CYP4F2: variants seen among roughly 807,000 people sequenced by gnomAD.
CYP4F2 encodes the protein cytochrome P450 4F2.
Under a neutral mutation model 58.9 loss-of-function variants are expected in CYP4F2, and 58 were observed. The ratio of observed to expected loss-of-function variants is 0.98; its 90% CI spans 0.80 to 1.23. CYP4F2 has a LOEUF of 1.23. Among genes scored for constraint, CYP4F2 ranks in the 50% most tolerant of loss-of-function variants. The pLI, the probability that CYP4F2 is intolerant of heterozygous loss-of-function variation, is 0.00. For synonymous variants in CYP4F2, 287 were observed against 261.1 expected (o/e 1.10, Z -0.95); for missense variants, 616 against 685.6 (o/e 0.90, Z 1.13).
intron 9 of CYP4F2, among the ~76,000 whole-genome samples, chr19:15,885,024 T>C (rs1477728520): frequency 6.6e-6 from 1 of 151,708 alleles, no homozygotes; most frequent in Non-Finnish European, 1.5e-5. Context: ...GGTTTTATCA[T>C]CTCATTACAA....
At chr19:15,896,238 C>CTATCTATT (rs1387523552) in intron 2 of CYP4F2, among the ~76,000 whole-genome samples, 10 of 85,864 alleles carry the variant, frequency 1.2e-4, no homozygotes, top group African/African-American at 4.5e-4. Context: ...TATTAGCTAT[C>CTATCTATT]TATCTATCTA....
chr19:15,898,010 A>C lies in CYP4F2; in HGVS notation c.-2+16T>G. 4.4e-6 allele frequency: 1 copy of C among 228,798 alleles called. No homozygotes were observed. Among genetic ancestry groups the C allele is most frequent in the Non-Finnish European group, 8.6e-6 (1 of 116,906 alleles). The allele number at this position is 228,798 out of a possible 1,614,324, so 14.2% of individuals were successfully genotyped here. A position where few individuals can be genotyped will look rare whatever the true frequency, so the allele number is the denominator to read the frequency against. Reference sequence around the variant, plus strand: ...GGCCAGGACCCCCCCCAGGCCTGCCACCCCCAGCCTGGCACCTTCTGTCAG... The same window carrying C: ...GGCCAGGACCCCCCCCAGGCCTGCCCCCCCCAGCCTGGCACCTTCTGTCAG... On this transcript the variant is annotated intron_variant, in intron 1 of 12. Coordinates refer to ENST00000221700, the MANE Select transcript of CYP4F2 (RefSeq NM_001082.5).
In CYP4F2 at chr19:15,897,404, C is replaced by T. The variant is rs767346295; in HGVS notation, c.198+10G>A. 6.2e-7 allele frequency: 1 copy of T among 1,611,700 alleles called. No individual in the cohort carries two copies. The highest frequency in any genetic ancestry group is 1.1e-5 in the South Asian group (1 of 91,014). On this transcript the variant is annotated intron_variant, in intron 2 of 12. Transcript: ENST00000221700. ...CCTGAGACCTAGACCCATCCTGCTG[C>T]CACACTCACCATGCCCTGGTGTCCC...
intron 2 of CYP4F2, among the ~76,000 whole-genome samples, chr19:15,896,970 G>C (rs2089451658): frequency 6.6e-6 from 1 of 152,218 alleles, no homozygotes; most frequent in Non-Finnish European, 1.5e-5. Flanking sequence ...GTGCCTTCGG[G>C]TGTAGTGGAA....
chr19:15,886,329 C>A (rs201042526), intron 7 of CYP4F2, 21 bp from the exon 8 acceptor site: 4 of 1,605,538 alleles, frequency 2.5e-6, no homozygotes, highest in African/African-American at 1.3e-5. Flanking sequence ...GGCAGTAACC[C>A]CCCCCAACCC....
chr19:15,896,267 T>TATCC (rs2089448039), intron 2 of CYP4F2, among the ~76,000 whole-genome samples: 1 of 152,016 alleles, frequency 6.6e-6, no homozygotes, highest in Non-Finnish European at 1.5e-5. Flanking sequence ...TCTATCTATC[T>TATCC]ATCTATCTAC....
intron 9 of CYP4F2, among the ~76,000 whole-genome samples, chr19:15,883,490 G>A (rs1190606775): frequency 1.3e-5 from 2 of 152,124 alleles, no homozygotes; most frequent in African/African-American, 4.8e-5. Flanking sequence ...ACACTGGTGA[G>A]GATATGGAGA....
chr19:15,886,643 A>C (rs1401022278), intron 7 of CYP4F2: 7 of 352,278 alleles, frequency 2.0e-5, no homozygotes, highest in Non-Finnish European at 3.6e-5. Context: ...ATTAGAGATT[A>C]AGTATTGCTT....
chr19:15,892,853 G>T (rs767147692), intron 3 of CYP4F2, among the ~76,000 whole-genome samples: 1 of 152,086 alleles, frequency 6.6e-6, no homozygotes, highest in East Asian at 1.9e-4. Flanking sequence ...CCTCCTACAC[G>T]ATCCAACATG....
intron 9 of CYP4F2, among the ~76,000 whole-genome samples, chr19:15,881,088 T>C (rs890285668): frequency 2.0e-5 from 3 of 152,202 alleles, no homozygotes; most frequent in African/African-American, 4.8e-5. Context: ...GGAAGATGTT[T>C]AGATAAACAG....
chr19:15,878,199 G>C lies in CYP4F2; in HGVS notation c.*572C>G, dbSNP rs368345970. 6.6e-6 allele frequency: 1 copy of C among 152,296 alleles called. No individual in the cohort carries two copies. The highest frequency in any genetic ancestry group is 1.5e-5 in the Non-Finnish European group (1 of 68,160). The allele number at this position is 152,296 out of a possible 1,614,324, so 9.4% of individuals were successfully genotyped here. On this transcript the variant is annotated 3_prime_UTR_variant, in exon 13 of 13. Transcript: ENST00000221700. ...AAAGTGTCCAATTCAATAGCATTTA[G>C]TGCACTCACAGTGTCGTGCTACCTT...
chr19:15,889,721 A>G (rs760482452), intron 6 of CYP4F2, 28 bp from the exon 7 acceptor site: 1 of 1,609,508 alleles, frequency 6.2e-7, no homozygotes, highest in Admixed American at 1.7e-5. Context: ...AAAGGGAGGC[A>G]ACAATTTAAT....
In CYP4F2 at chr19:15,886,135, A is replaced by G. The variant is rs2089377854; in HGVS notation, c.986-82T>C. 2.5e-6 allele frequency: 4 copies of G among 1,605,664 alleles called. No homozygotes were observed. In the African/African-American group the frequency reaches 4.0e-5, roughly 16 times the overall value. ...ACAGCACCCATGCATTGAGGGCCTC[A>G]GGGAGGATGGGGGAAGGGGGATGGG... On this transcript the variant is annotated intron_variant, in intron 8 of 12. Coordinates refer to ENST00000221700, the MANE Select transcript of CYP4F2 (RefSeq NM_001082.5).
intron 12 of CYP4F2, 90 bp from the exon 13 acceptor site, chr19:15,879,026 C>T: frequency 6.5e-7 from 1 of 1,546,786 alleles, no homozygotes; most frequent in African/African-American, 1.4e-5. Flanking sequence ...CACCCAACCC[C>T]ACCTAGAGCA....
At chr19:15,879,729 AC>A in intron 10 of CYP4F2, 34 bp downstream of exon 10, 1 of 1,613,814 alleles carries the variant, frequency 6.2e-7, no homozygotes, top group Non-Finnish European at 8.5e-7. Flanking sequence ...CCCTCTTCCT[AC>A]CCAGGAGACT....
chr19:15,885,945 C>T lies in CYP4F2; in HGVS notation c.1094G>A (p.Arg365His), dbSNP rs755356433. The T allele has an allele frequency of 5.8e-5, 94 of 1,613,820 alleles. 1 individual carries two copies. The highest frequency in any genetic ancestry group is 8.0e-5 in the African/African-American group (6 of 74,910). The change falls in exon 9 of 13, where the codon CGT (arginine) becomes CAT (histidine). Residue 365 changes from arginine (R) to histidine (H), a missense_variant. Transcript: ENST00000221700. Reference protein sequence around the residue: ...RQEVQELLKDREPKEIEWDDL... With the variant: ...RQEVQELLKDHEPKEIEWDDL... ...TCACCATTCAATCTCTTTAGGCTCACGGTCCTTCAGAAGTTCTTGCACCTC... is the reference window on the plus strand; with the variant it reads ...TCACCATTCAATCTCTTTAGGCTCATGGTCCTTCAGAAGTTCTTGCACCTC...
chr19:15,883,156 A>G (rs1473797131), intron 9 of CYP4F2, among the ~76,000 whole-genome samples: 1 of 152,210 alleles, frequency 6.6e-6, no homozygotes, highest in African/African-American at 2.4e-5. Flanking sequence ...AGCAAAGGAA[A>G]CAGTCAACAA....
At chr19:15,881,185 C>A (rs2089342127) in intron 9 of CYP4F2, among the ~76,000 whole-genome samples, 1 of 152,128 alleles carries the variant, frequency 6.6e-6, no homozygotes, top group Non-Finnish European at 1.5e-5. Flanking sequence ...GAAGGTAAAT[C>A]AGTACAGACA....
intron 3 of CYP4F2, 145 bp from the exon 4 acceptor site, chr19:15,892,727 G>A: frequency 8.1e-7 from 1 of 1,241,248 alleles, no homozygotes; most frequent in Non-Finnish European, 1.1e-6. Context: ...AGAGGAAGAA[G>A]GGAGGATGGG....
Sources: gnomAD v4.1 joint callset for allele counts (sites outside exome capture counted in the v4.1 genomes callset) on GRCh38, gnomAD v4.1.1 for gene constraint, MANE v1.5 for transcripts, NCBI Gene and HGNC (gene_info 2026-07-23, HGNC 2026-07-21) for gene names.